The following ATG4A variants were observed in gnomAD, a reference collection of about 807,000 sequenced individuals.
ATG4A encodes autophagy related 4A cysteine peptidase.
In ATG4A, 22 loss-of-function variants were observed where a neutral mutation model predicts 38.4. The ratio of observed to expected loss-of-function variants is 0.57; its 90% CI spans 0.41 to 0.82. The LOEUF (loss-of-function observed/expected upper bound fraction) is 0.82, where lower values mean the gene tolerates loss of function less well. Among genes scored for constraint, ATG4A ranks in the 40% least tolerant of loss-of-function variants. ATG4A has a pLI of 0.00. For missense variants in ATG4A, 220 were observed against 290.0 expected (o/e 0.76, Z 1.75); for synonymous variants, 86 against 100.7 (o/e 0.85, Z 0.88).
chrX:108,104,426 G>C (rs922484607), intron 1 of ATG4A, among the ~76,000 whole-genome samples: 2 of 109,525 alleles, frequency 1.8e-5, no homozygotes, highest in African/African-American at 6.6e-5. Flanking sequence ...AATATTCCTG[G>C]TTGGCAGGTT....
At chrX:108,138,292 G>C in intron 9 of ATG4A, 101 bp downstream of exon 9, 1 of 732,564 alleles carries the variant, frequency 1.4e-6, no homozygotes, top group South Asian at 2.3e-5. Context: ...GTGGGTTCCC[G>C]TCTAGCCCAG....
chrX:108,102,073 T>G (rs55986815), intron 1 of ATG4A, among the ~76,000 whole-genome samples: 30,637 of 110,573 alleles, frequency 0.28, 4,315 homozygotes, highest in Non-Finnish European at 0.42. Context: ...TCAATTCTTT[T>G]GGATACATCC....
In ATG4A at chrX:108,099,698, G is replaced by T. The variant is rs143286166; in HGVS notation, c.10+7862G>T. ...CATAAAATGTGAAGTTTAGGTCAAG[G>T]TTAATTTTTTTGGATTATTGATATC... is the stretch of plus-strand genomic sequence containing the variant. On this transcript the variant is annotated intron_variant, in intron 1 of 12. Transcript: ENST00000372232. 4.2e-3 allele frequency among the ~76,000 whole-genome samples: 465 copies of T among 111,794 alleles called. 2 individuals are homozygous for T. The highest frequency in any genetic ancestry group is 0.014 in the African/African-American group (428 of 30,865).
intron 1 of ATG4A, among the ~76,000 whole-genome samples, chrX:108,101,941 T>G (rs1162373053): frequency 9.0e-6 from 1 of 110,987 alleles, no homozygotes; most frequent in Non-Finnish European, 1.9e-5. Flanking sequence ...TTCCGTTATA[T>G]GTATATACCA....
chrX:108,098,852 G>A (rs2031914994), intron 1 of ATG4A, among the ~76,000 whole-genome samples: 1 of 111,225 alleles, frequency 9.0e-6, no homozygotes. Context: ...AATATTACAC[G>A]ACATGGAGGT....
intron 1 of ATG4A, among the ~76,000 whole-genome samples, chrX:108,120,521 C>T (rs2032622072): frequency 1.8e-5 from 2 of 112,002 alleles, no homozygotes; most frequent in African/African-American, 6.5e-5. Context: ...AAGAAAAATA[C>T]ACTTAAAAAG....
intron 6 of ATG4A, among the ~76,000 whole-genome samples, chrX:108,136,050 G>A (rs775277875): frequency 2.7e-5 from 3 of 111,295 alleles, no homozygotes; most frequent in Non-Finnish European, 5.7e-5. Context: ...CCAAAGTGCT[G>A]GGATTACAGG....
At position 108,091,850 on chromosome X, in the gene ATG4A, C is replaced by G. The variant is rs1381013568; in HGVS notation, c.10+14C>G. 2.5e-6 allele frequency: 3 copies of G among 1,211,405 alleles called. No individual in the cohort carries two copies. The highest frequency in any genetic ancestry group is 4.3e-5 in the Admixed American group (2 of 46,035). On this transcript the variant is annotated intron_variant, in intron 1 of 12. Coordinates refer to ENST00000372232, the MANE Select transcript of ATG4A (RefSeq NM_052936.5). ...GAATGGAGTCAGGTACGGGGAGCGG[C>G]TTTGAGTGGAACCGTGTGAAAGAGC...
intron 1 of ATG4A, among the ~76,000 whole-genome samples, chrX:108,095,717 T>TC (rs1197832748): frequency 9.5e-6 from 1 of 104,895 alleles, no homozygotes; most frequent in Non-Finnish European, 2.0e-5. Context: ...CTTTCTTTTT[T>TC]TTTTTTTTTT....
At position 108,140,945 on chromosome X, in the gene ATG4A, TAC is replaced by T. The variant is rs1227330568; in HGVS notation, c.814+2758_814+2759del. Among the ~76,000 whole-genome samples the T allele has an allele frequency of 1.3e-4, 11 of 85,728 alleles. No individual in the cohort carries two copies. The South Asian group carries it at 3.9e-3, about 31-fold the overall frequency. The allele number at this position is 85,728 out of a possible 115,157, so 74.4% of individuals were successfully genotyped here. A position where few individuals can be genotyped will look rare whatever the true frequency, so the allele number is the denominator to read the frequency against. ...ATATATACATATATATACATATATA[TAC>T]ACATATATACATATATACACATATA... On this transcript the variant is annotated intron_variant, in intron 9 of 12. Coordinates refer to ENST00000372232, the MANE Select transcript of ATG4A (RefSeq NM_052936.5).
At position 108,134,048 on chromosome X, in the gene ATG4A, C is replaced by A; in HGVS notation, c.293-9C>A. ...AAATGTTTCTAACCCATTTTTTTTT[C>A]TTAAAAAGACTGGAGCTGGGAGAAA... is the stretch of plus-strand genomic sequence containing the variant. On this transcript the variant is annotated splice_polypyrimidine_tract_variant and intron_variant, in intron 4 of 12. Transcript: ENST00000372232. 8.6e-7 allele frequency: 1 copy of A among 1,168,572 alleles called. No individual in the cohort carries two copies. The highest frequency in any genetic ancestry group is 1.1e-6 in the Non-Finnish European group (1 of 875,137).
intron 2 of ATG4A, among the ~76,000 whole-genome samples, chrX:108,128,390 G>A (rs1438847666): frequency 9.0e-6 from 1 of 111,594 alleles, no homozygotes; most frequent in Non-Finnish European, 1.9e-5. Flanking sequence ...GATAAGGGAT[G>A]ATGGGTGCTG....
At chrX:108,113,395 GCAAGGAGTATTTGGGGCACTGA>G (rs1357254883) in intron 1 of ATG4A, among the ~76,000 whole-genome samples, 1 of 111,379 alleles carries the variant, frequency 9.0e-6, no homozygotes, top group Non-Finnish European at 1.9e-5. Context: ...GGGGGCACTG[GCAAGGAGTATTTGGGGCACTGA>G]CAAGGAGTTC....
intron 2 of ATG4A, chrX:108,127,185 A>G (rs1228237727): frequency 1.8e-5 from 2 of 113,306 alleles, no homozygotes; most frequent in Non-Finnish European, 3.7e-5. Context: ...TCTGCATTCC[A>G]TGACAACAGG....
At chrX:108,092,721 T>A (rs1036017225) in intron 1 of ATG4A, among the ~76,000 whole-genome samples, 13 of 109,998 alleles carry the variant, frequency 1.2e-4, no homozygotes, top group Non-Finnish European at 2.1e-4. Context: ...AATTGAGTAC[T>A]TTTTTTGTAA....
intron 3 of ATG4A, among the ~76,000 whole-genome samples, chrX:108,129,593 C>T (rs1201626246): frequency 1.1e-5 from 1 of 94,345 alleles, no homozygotes; most frequent in African/African-American, 4.0e-5. Flanking sequence ...TTTTTTGAGA[C>T]GGAGTCTCGC....
At position 108,091,822 on chromosome X, in the gene ATG4A, G is replaced by A. The variant is rs1272603251; in HGVS notation, c.-5G>A. ...GTGGAATTGGCCCAGGATGACAGCT[G>A]GAGAATGGAGTCAGGTACGGGGAGC... On this transcript the variant is annotated 5_prime_UTR_variant, in exon 1 of 13. Coordinates refer to ENST00000372232, the MANE Select transcript of ATG4A (RefSeq NM_052936.5). The A allele has an allele frequency of 8.3e-7, 1 of 1,211,956 alleles. No individual in the cohort carries two copies. The highest frequency in any genetic ancestry group is 2.2e-5 in the Admixed American group (1 of 46,095).
chrX:108,119,360 G>A (rs1229533697), intron 1 of ATG4A, among the ~76,000 whole-genome samples: 1 of 111,295 alleles, frequency 9.0e-6, no homozygotes, highest in Non-Finnish European at 1.9e-5. Flanking sequence ...CTACTGTATT[G>A]GACAGTGTAG....
intron 4 of ATG4A, among the ~76,000 whole-genome samples, chrX:108,132,120 A>G (rs982855165): frequency 9.9e-5 from 11 of 111,542 alleles, no homozygotes; most frequent in African/African-American, 2.9e-4. Flanking sequence ...GCTGATCTCG[A>G]ACTCCTGACC....
Sources: allele counts gnomAD v4.1 joint callset (sites outside exome capture counted in the v4.1 genomes callset), GRCh38; gene constraint gnomAD v4.1.1; transcripts MANE v1.5; gene names NCBI Gene and HGNC (gene_info 2026-07-23, HGNC 2026-07-21).